The following MEGF6 variants were observed in gnomAD, a reference collection of about 807,000 sequenced individuals.
MEGF6 encodes multiple epidermal growth factor-like domains protein 6.
In MEGF6, 184 loss-of-function variants were observed where a neutral mutation model predicts 207.1. The observed-to-expected ratio is 0.89, with a 90% CI of 0.79 to 1.00. MEGF6 has a LOEUF of 1.00. MEGF6 is among the 50% of genes least tolerant of loss of function. MEGF6 has a pLI of 0.00. For missense variants in MEGF6, 2,282 were observed against 2,202.9 expected (o/e 1.04, Z -0.72); for synonymous variants, 1,038 against 910.0 (o/e 1.14, Z -2.53).
intron 4 of MEGF6, among the ~76,000 whole-genome samples, chr1:3,531,989 TCCCCTGGCCCA>T: frequency 6.6e-6 from 1 of 152,278 alleles, no homozygotes; most frequent in East Asian, 1.9e-4. Context: ...TGTCCTGTCC[TCCCCTGGCCCA>T]GGGCCCCATA....
chr1:3,579,537 C>G (rs968461228), intron 4 of MEGF6, among the ~76,000 whole-genome samples: 1 of 152,162 alleles, frequency 6.6e-6, no homozygotes, highest in Non-Finnish European at 1.5e-5. Flanking sequence ...AGGGGGCCAG[C>G]GTCCCCATTT....
At chr1:3,588,633 G>C (rs149377824) in intron 3 of MEGF6, among the ~76,000 whole-genome samples, 1,657 of 152,080 alleles carry the variant, frequency 0.011, 28 homozygotes, top group African/African-American at 0.035. Context: ...GTGGGTGCCT[G>C]GGGGTCTGCC....
At position 3,496,753 on chromosome 1, in the gene MEGF6, C is replaced by A; in HGVS notation, c.3644G>T (p.Cys1215Phe). Reference protein sequence around the residue: ...RCPPGRYGPGCEQLCGCLNGG... With the variant: ...RCPPGRYGPGFEQLCGCLNGG... ...GTTGAGACACCCACACAGCTGTTCA[C>A]AGCCTGGCCCATACCGCCCGGGCGG... Residue 1215 changes from cysteine to phenylalanine, a missense_variant, in exon 29 of 37, where the codon TGT becomes TTT. Physicochemically the swap from Cys to Phe is radical, Grantham distance 205. Coordinates refer to ENST00000356575, the MANE Select transcript of MEGF6 (RefSeq NM_001409.4). 1 of 1,559,870 alleles carries A rather than the reference C, an allele frequency of 6.4e-7. No individual in the cohort carries two copies. The highest frequency in any genetic ancestry group is 8.7e-7 in the Non-Finnish European group (1 of 1,152,316).
At chr1:3,563,303 T>A (rs1643254812) in intron 4 of MEGF6, among the ~76,000 whole-genome samples, 1 of 151,864 alleles carries the variant, frequency 6.6e-6, no homozygotes, top group Admixed American at 6.6e-5. Context: ...AGGCCCAGAG[T>A]CAAGCCCCAT....
chr1:3,499,791 C>T lies in MEGF6; in HGVS notation c.2836+5G>A, dbSNP rs751905291. 5 of 1,562,180 alleles carry T rather than the reference C, an allele frequency of 3.2e-6. No individual in the cohort carries two copies. The highest frequency in any genetic ancestry group is 1.2e-5 in the South Asian group (1 of 85,214). The stretch of plus-strand genomic sequence containing the variant: ...AGCCTAGCCCCCGCCTGTGCCGTAG[C>T]TCACCATGCTCGCAGAAGGTGCCCC... On this transcript the variant is annotated splice_donor_5th_base_variant and intron_variant, in intron 22 of 36. Coordinates refer to ENST00000356575, the MANE Select transcript of MEGF6 (RefSeq NM_001409.4).
At chr1:3,572,016 C>T (rs1272920157) in intron 4 of MEGF6, among the ~76,000 whole-genome samples, 1 of 132,528 alleles carries the variant, frequency 7.5e-6, no homozygotes, top group Non-Finnish European at 1.6e-5. Context: ...TGGGTCCTTC[C>T]TGAGTGTGCT....
At chr1:3,586,490 C>G (rs371332704) in intron 3 of MEGF6, among the ~76,000 whole-genome samples, 15 of 152,210 alleles carry the variant, frequency 9.9e-5, no homozygotes, top group African/African-American at 2.9e-4. Flanking sequence ...GTCTGTGAGT[C>G]TGGATGTGAC....
chr1:3,536,261 C>A (rs1202466774), intron 4 of MEGF6, among the ~76,000 whole-genome samples: 1 of 152,098 alleles, frequency 6.6e-6, no homozygotes, highest in Non-Finnish European at 1.5e-5. Flanking sequence ...CTCTACGACA[C>A]CCCTTCATTG....
intron 4 of MEGF6, among the ~76,000 whole-genome samples, chr1:3,547,583 C>T (rs989782142): frequency 6.6e-6 from 1 of 152,174 alleles, no homozygotes; most frequent in Non-Finnish European, 1.5e-5. Context: ...CACAGCCACT[C>T]CCCCTCCCGC....
At chr1:3,499,366 G>A in intron 23 of MEGF6, 100 bp from the exon 24 acceptor site, 1 of 1,462,428 alleles carries the variant, frequency 6.8e-7, no homozygotes, top group Non-Finnish European at 9.1e-7. Flanking sequence ...GGTCCCCTCG[G>A]CTGCTATGGC....
intron 3 of MEGF6, among the ~76,000 whole-genome samples, chr1:3,588,620 G>A (rs1400408044): frequency 6.6e-6 from 1 of 151,938 alleles, no homozygotes; most frequent in East Asian, 1.9e-4. Flanking sequence ...TCCTCCCTGG[G>A]CCGTGGGTGC....
chr1:3,613,582 A>G (rs1359045154), upstream of MEGF6, among the ~76,000 whole-genome samples: 1 of 152,174 alleles, frequency 6.6e-6, no homozygotes, highest in Non-Finnish European at 1.5e-5. Context: ...GTTTGAGAAC[A>G]TTCTCCAGCT....
chr1:3,555,267 T>C (rs1172920466), intron 4 of MEGF6, among the ~76,000 whole-genome samples: 2 of 140,258 alleles, frequency 1.4e-5, no homozygotes, highest in Admixed American at 1.6e-4. Flanking sequence ...GGGTGTGAGC[T>C]GCAGGAGGCC....
At chr1:3,523,029 C>T (rs72853538) in intron 5 of MEGF6, among the ~76,000 whole-genome samples, 3,005 of 151,802 alleles carry the variant, frequency 0.02, 79 homozygotes, top group African/African-American at 0.068. Flanking sequence ...CTTTACAGAG[C>T]GGCTGCCTGG....
chr1:3,616,145 G>A (rs6678958), upstream of MEGF6, among the ~76,000 whole-genome samples: 116,444 of 151,796 alleles, frequency 0.77, 44,978 homozygotes, highest in East Asian at 0.98. Flanking sequence ...CCCCATGTCC[G>A]GTCCGCGGGC....
chr1:3,586,205 G>A (rs1371763490), intron 3 of MEGF6, among the ~76,000 whole-genome samples: 3 of 151,410 alleles, frequency 2.0e-5, no homozygotes, highest in East Asian at 3.9e-4. Flanking sequence ...CGTGCTGTGT[G>A]TGAGGACACA....
chr1:3,501,989 AG>A, intron 17 of MEGF6, 68 bp from the exon 18 acceptor site: 1 of 1,455,358 alleles, frequency 6.9e-7, no homozygotes, highest in Non-Finnish European at 9.1e-7. Flanking sequence ...CCTTTCCCCC[AG>A]GGGCTCCTGG....
At position 3,500,751 on chromosome 1, in the gene MEGF6, C is replaced by T. The variant is rs1179181107; in HGVS notation, c.2589G>A (p.Gly863=). The T allele has an allele frequency of 8.1e-6, 13 of 1,604,814 alleles. No homozygotes were observed. The highest frequency in any genetic ancestry group is 1.0e-5 in the Non-Finnish European group (12 of 1,176,350). Residue 863 remains glycine (G), a synonymous_variant, in exon 21 of 37, where the codon GGG becomes GGA. Transcript: ENST00000356575. ...GFSCQRACDT[G]HWGPDCSHPC... is the part of the protein sequence containing the mutation. Reference sequence around the variant, plus strand: ...GGTGGCTGCAGTCAGGTCCCCAGTGCCCAGTATCACAGGCTGCAACAGAAC... The same window carrying T: ...GGTGGCTGCAGTCAGGTCCCCAGTGTCCAGTATCACAGGCTGCAACAGAAC...
At chr1:3,538,195 C>A (rs898621228) in intron 4 of MEGF6, among the ~76,000 whole-genome samples, 11 of 152,222 alleles carry the variant, frequency 7.2e-5, no homozygotes, top group African/African-American at 2.7e-4. Context: ...AGCAGGAGGT[C>A]CATTTGTGGT....
Sources: gnomAD v4.1 joint callset for allele counts (sites outside exome capture counted in the v4.1 genomes callset) on GRCh38, gnomAD v4.1.1 for gene constraint, MANE v1.5 for transcripts, NCBI Gene and HGNC (gene_info 2026-07-23, HGNC 2026-07-21) for gene names.